The following TSNARE1 variants were observed in gnomAD, a reference collection of about 807,000 sequenced individuals.
The protein encoded by TSNARE1 is t-SNARE domain-containing protein 1.
Under a neutral mutation model 62.0 loss-of-function variants are expected in TSNARE1, and 49 were observed. That is an observed-to-expected ratio of 0.79 (90% CI 0.63 to 1.00). The LOEUF (loss-of-function observed/expected upper bound fraction) is 1.00, where lower values mean the gene tolerates loss of function less well. Among genes scored for constraint, TSNARE1 ranks in the 50% least tolerant of loss-of-function variants. The pLI is 0.00. For synonymous variants in TSNARE1, 328 were observed against 294.4 expected, an observed-to-expected ratio of 1.11 and a Z score of -1.17; for missense variants, 755 against 700.1, an observed-to-expected ratio of 1.08 and a Z score of -0.88.
intron 1 of TSNARE1, among the ~76,000 whole-genome samples, chr8:142,374,021 A>G (rs1477959649): frequency 1.3e-5 from 2 of 152,236 alleles, no homozygotes; most frequent in Non-Finnish European, 2.9e-5. Flanking sequence ...ACTAAAGTTC[A>G]GGCCAGGCGA....
intron 9 of TSNARE1, among the ~76,000 whole-genome samples, chr8:142,302,400 C>T (rs1825934049): frequency 6.6e-6 from 1 of 152,116 alleles, no homozygotes; most frequent in African/African-American, 2.4e-5. Flanking sequence ...GGGGCTGTGC[C>T]GGTCCCGATG....
chr8:142,325,176 G>A (rs1015240146), intron 6 of TSNARE1, among the ~76,000 whole-genome samples: 9 of 152,242 alleles, frequency 5.9e-5, no homozygotes, highest in East Asian at 1.9e-4. Flanking sequence ...AAGTGAGGCC[G>A]GCAGAGGGCA....
At chr8:142,382,151 G>C (rs988570444) in intron 1 of TSNARE1, among the ~76,000 whole-genome samples, 1 of 152,160 alleles carries the variant, frequency 6.6e-6, no homozygotes, top group African/African-American at 2.4e-5. Flanking sequence ...GAGCGTGTGT[G>C]CTCATGTGTG....
At position 142,315,021 on chromosome 8, in the gene TSNARE1, G is replaced by C. The variant is rs372126542; in HGVS notation, c.1056C>G (p.Cys352Trp). 1 of 1,613,988 alleles carries C rather than the reference G, an allele frequency of 6.2e-7. No homozygotes were observed. Among genetic ancestry groups the C allele is most frequent in the African/African-American group, 1.3e-5 (1 of 74,908 alleles). ...ACCTCACCTTCTGCACCACTCCATA[G>C]CACTGAATGGCATCTGAGAGCTGGG... Reference protein sequence around the residue: ...LKTQLSDAIQCYGVVQKKIAE... With the variant: ...LKTQLSDAIQWYGVVQKKIAE... The change falls in exon 8 of 14, where the codon TGC becomes TGG. Residue 352 changes from cysteine to tryptophan, a missense_variant. Physicochemically the swap from Cys to Trp is radical, Grantham distance 215. Coordinates refer to ENST00000524325, the MANE Select transcript of TSNARE1 (RefSeq NM_145003.5).
chr8:142,376,127 C>T (rs1349634100), intron 1 of TSNARE1, among the ~76,000 whole-genome samples: 1 of 152,226 alleles, frequency 6.6e-6, no homozygotes, highest in African/African-American at 2.4e-5. Flanking sequence ...CAGAGAATCG[C>T]TCCATCTCTC....
intron 6 of TSNARE1, among the ~76,000 whole-genome samples, chr8:142,321,095 C>G (rs1009834539): frequency 1.3e-5 from 2 of 152,148 alleles, no homozygotes; most frequent in Non-Finnish European, 1.5e-5. Context: ...ATCGTGGGAA[C>G]AGGAGGTTGC....
At chr8:142,252,324 G>A (rs970237731) in intron 12 of TSNARE1, among the ~76,000 whole-genome samples, 5 of 152,294 alleles carry the variant, frequency 3.3e-5, no homozygotes, top group East Asian at 3.9e-4. Flanking sequence ...GGGCCCCCCC[G>A]GTACCAGGGC....
intron 13 of TSNARE1, among the ~76,000 whole-genome samples, chr8:142,228,390 T>G (rs915169007): frequency 2.0e-5 from 3 of 152,208 alleles, no homozygotes; most frequent in African/African-American, 4.8e-5. Flanking sequence ...CAGGGCCCTG[T>G]GCCCTGGGGA....
intron 10 of TSNARE1, among the ~76,000 whole-genome samples, chr8:142,288,559 T>C (rs1823185304): frequency 6.6e-6 from 1 of 152,204 alleles, no homozygotes; most frequent in Non-Finnish European, 1.5e-5. Context: ...GCAGAAGGGT[T>C]TTGTAGTCAG....
chr8:142,366,955 C>T (rs765867161), intron 1 of TSNARE1, among the ~76,000 whole-genome samples: 1 of 152,118 alleles, frequency 6.6e-6, no homozygotes, highest in Non-Finnish European at 1.5e-5. Flanking sequence ...TACAGAAATC[C>T]ACAGCCTTCA....
intron 13 of TSNARE1, among the ~76,000 whole-genome samples, chr8:142,229,248 A>T (rs1816982156): frequency 7.1e-6 from 1 of 140,818 alleles, no homozygotes; most frequent in Admixed American, 7.2e-5. Flanking sequence ...GGATGGATGA[A>T]TGGATGGATG....
chr8:142,283,564 G>GGGCC, intron 11 of TSNARE1, among the ~76,000 whole-genome samples: 1 of 132,716 alleles, frequency 7.5e-6, no homozygotes, highest in Admixed American at 7.4e-5. Flanking sequence ...AGCAGAGGCG[G>GGGCC]AGTTAGTGTC....
At chr8:142,331,893 C>T in intron 4 of TSNARE1, 62 bp from the exon 5 acceptor site, 2 of 1,495,650 alleles carry the variant, frequency 1.3e-6, no homozygotes, top group African/African-American at 1.4e-5. Context: ...AGGCCCAGCT[C>T]TGCTAACCGC....
intron 1 of TSNARE1, among the ~76,000 whole-genome samples, chr8:142,379,108 CG>C (rs927821429): frequency 7.9e-5 from 12 of 152,184 alleles, no homozygotes; most frequent in African/African-American, 2.4e-4. Context: ...CAGATCAGCA[CG>C]GATCAGAGCA....
intron 9 of TSNARE1, among the ~76,000 whole-genome samples, chr8:142,306,342 G>A (rs574978413): frequency 2.0e-4 from 30 of 152,328 alleles, no homozygotes; most frequent in African/African-American, 6.5e-4. Flanking sequence ...TCTGCAGCCC[G>A]GCTGGGGACA....
At chr8:142,400,339 G>A (rs192952150) in intron 1 of TSNARE1, among the ~76,000 whole-genome samples, 367 of 152,046 alleles carry the variant, frequency 2.4e-3, no homozygotes, top group South Asian at 6.2e-3. Context: ...CCAGCTACTC[G>A]GAAGGCTGAG....
chr8:142,395,474 G>A (rs7011350), intron 1 of TSNARE1, among the ~76,000 whole-genome samples: 30,733 of 152,120 alleles, frequency 0.2, 3,224 homozygotes, highest in East Asian at 0.28. Context: ...GCAGCCTGCG[G>A]AGTCAGCGCA....
chr8:142,329,574 T>C (rs1422721899), intron 6 of TSNARE1, among the ~76,000 whole-genome samples: 1 of 151,960 alleles, frequency 6.6e-6, no homozygotes, highest in Admixed American at 6.6e-5. Flanking sequence ...CGGCCCAGAG[T>C]TACACAAGTT....
intron 10 of TSNARE1, among the ~76,000 whole-genome samples, chr8:142,299,358 C>T (rs1265516347): frequency 6.6e-6 from 1 of 152,250 alleles, no homozygotes; most frequent in African/African-American, 2.4e-5. Flanking sequence ...ACTGCCAGGC[C>T]TCTGCTTTTC....
Sources: gnomAD v4.1 joint callset for allele counts (sites outside exome capture counted in the v4.1 genomes callset) on GRCh38, gnomAD v4.1.1 for gene constraint, MANE v1.5 for transcripts, NCBI Gene and HGNC (gene_info 2026-07-23, HGNC 2026-07-21) for gene names.